Variants in SMAD2 observed in about 807,000 individuals in gnomAD.
SMAD2 encodes the protein MAD homolog 2.
SMAD2 carries 8 observed loss-of-function variants against 64.4 expected under a neutral mutation model. The observed-to-expected ratio is 0.12, with a 90% CI of 0.07 to 0.22. The LOEUF (loss-of-function observed/expected upper bound fraction) is 0.22. SMAD2 is among the 10% of genes least tolerant of loss of function. The pLI is 1.00. For missense variants in SMAD2, 289 were observed against 561.2 expected (o/e 0.51, Z 4.90); for synonymous variants, 203 against 195.8 (o/e 1.04, Z -0.31).
intron 1 of SMAD2, among the ~76,000 whole-genome samples, chr18:47,923,126 A>C (rs1284436132): frequency 1.3e-5 from 2 of 151,670 alleles, no homozygotes; most frequent in African/African-American, 2.4e-5. Flanking sequence ...ACAACTCTAT[A>C]ATCAACTTGT....
intron 7 of SMAD2, 112 bp from the exon 8 acceptor site, chr18:47,848,799 G>C: frequency 1.3e-6 from 1 of 760,428 alleles, no homozygotes; most frequent in Non-Finnish European, 2.2e-6. Context: ...GCCTGCACTG[G>C]CAAAAGCTCA....
chr18:47,811,501 A>C lies in SMAD2; in HGVS notation c.*30326T>G, dbSNP rs1031401945. The C allele has an allele frequency of 1.3e-5, 2 of 151,842 alleles. No individual in the cohort carries two copies. The highest frequency in any genetic ancestry group is 4.8e-5 in the African/African-American group (2 of 41,330). 9.4% of individuals were successfully genotyped at this position (151,842 alleles called of 1,614,324 possible). ...AAAAAAAAAAAAAAGAAAAAGAAAT[A>C]AGGTAATTCTGAAATCCACAGCAAT... On this transcript the variant is annotated 3_prime_UTR_variant, in exon 11 of 11. Transcript: ENST00000262160.
Position 47,835,732 on chromosome 18 carries a change from T to C in SMAD2, c.*6095A>G, listed in dbSNP as rs1332804304. 5.3e-6 allele frequency: 1 copy of C among 189,428 alleles called. No individual in the cohort carries two copies. Among genetic ancestry groups the C allele is most frequent in the Non-Finnish European group, 1.1e-5 (1 of 90,178 alleles). 11.7% of individuals were successfully genotyped at this position (189,428 alleles called of 1,614,324 possible). On this transcript the variant is annotated 3_prime_UTR_variant, in exon 11 of 11. Transcript: ENST00000262160. ...CAATTATGAAATGGAAAATATATAA[T>C]ATTTAAGTACTTTTATAATTCTAAA...
chr18:47,901,228 G>A (rs549849381), intron 1 of SMAD2, among the ~76,000 whole-genome samples: 2 of 152,208 alleles, frequency 1.3e-5, no homozygotes, highest in African/African-American at 4.8e-5. Flanking sequence ...TGGTAACTCT[G>A]GTGGATCAAT....
At chr18:47,857,209 C>T (rs767862683) in intron 6 of SMAD2, among the ~76,000 whole-genome samples, 4 of 152,102 alleles carry the variant, frequency 2.6e-5, no homozygotes, top group Non-Finnish European at 5.9e-5. Context: ...CACTGTTTAA[C>T]TTTTATCTGA....
chr18:47,832,340 T>G lies in SMAD2; in HGVS notation c.*9487A>C, dbSNP rs1186079248. On this transcript the variant is annotated 3_prime_UTR_variant, in exon 11 of 11. Transcript: ENST00000262160. ...AGCCCTCAATGTTGTTGTTCAATGT[T>G]GGGAAGTCCCTTTTAGATTATTTAT... 1 of 152,216 alleles carries G rather than the reference T, an allele frequency of 6.6e-6. No homozygotes were observed. Among genetic ancestry groups the G allele is most frequent in the Non-Finnish European group, 1.5e-5 (1 of 68,038 alleles). 9.4% of individuals were successfully genotyped at this position (152,216 alleles called of 1,614,324 possible).
chr18:47,826,912 T>C lies in SMAD2; in HGVS notation c.*14915A>G, dbSNP rs1423505980. ...CTCAAGTGCTCTCATTTAGTTCTCA[T>C]AACCACCCTAAAAACTAACTTCCTC... On this transcript the variant is annotated 3_prime_UTR_variant, in exon 11 of 11. Transcript: ENST00000262160. The C allele has an allele frequency of 6.6e-6, 1 of 152,224 alleles. No individual in the cohort carries two copies. Among genetic ancestry groups the C allele is most frequent in the Non-Finnish European group, 1.5e-5 (1 of 68,042 alleles). The allele number at this position is 152,224 out of a possible 1,614,324, so 9.4% of individuals were successfully genotyped here.
chr18:47,883,734 T>C (rs546203390), intron 2 of SMAD2, among the ~76,000 whole-genome samples: 13 of 152,346 alleles, frequency 8.5e-5, no homozygotes, highest in African/African-American at 3.1e-4. Context: ...TCACCTGTCA[T>C]TTGTATGCTG....
rs1271949081 is a variant in SMAD2 at position 47,868,310 on chromosome 18, A to T, written c.655+13T>A. On this transcript the variant is annotated intron_variant, in intron 5 of 10. Transcript: ENST00000262160. ...TCTATCCAAGTTTTAGGAGATTCAG[A>T]AGGCAAAAATACCTGGAATATAATT... is the stretch of plus-strand genomic sequence containing the variant. The T allele has an allele frequency of 6.8e-6, 11 of 1,611,208 alleles. No homozygotes were observed. Among genetic ancestry groups the T allele is most frequent in the Non-Finnish European group, 9.3e-6 (11 of 1,177,732 alleles).
chr18:47,851,576 A>G (rs554303231), intron 6 of SMAD2, among the ~76,000 whole-genome samples: 11 of 152,226 alleles, frequency 7.2e-5, no homozygotes, highest in Non-Finnish European at 1.3e-4. Flanking sequence ...CTTCCCAAAG[A>G]TATCTAATAT....
At chr18:47,853,866 T>C (rs1486906572) in intron 6 of SMAD2, among the ~76,000 whole-genome samples, 1 of 152,146 alleles carries the variant, frequency 6.6e-6, no homozygotes, top group Non-Finnish European at 1.5e-5. Flanking sequence ...TGCTGTTTCC[T>C]GAAACCAACA....
chr18:47,876,212 G>A (rs1383888650), intron 2 of SMAD2, among the ~76,000 whole-genome samples: 2 of 151,884 alleles, frequency 1.3e-5, no homozygotes, highest in East Asian at 1.9e-4. Context: ...AAATTTATTT[G>A]ACCATCTAAC....
At chr18:47,893,053 C>A (rs1415073798) in intron 2 of SMAD2, among the ~76,000 whole-genome samples, 1 of 152,138 alleles carries the variant, frequency 6.6e-6, no homozygotes, top group Non-Finnish European at 1.5e-5. Context: ...ATATCAATTG[C>A]CATTCTGATT....
chr18:47,870,427 C>A (rs2031862310), intron 3 of SMAD2, 48 bp downstream of exon 3: 1 of 1,368,288 alleles, frequency 7.3e-7, no homozygotes, highest in Non-Finnish European at 1.0e-6. Flanking sequence ...CAAAATATAC[C>A]CCCCTCCCAC....
rs532087441 is a variant in SMAD2 at position 47,845,137 on chromosome 18, G to T, written c.1280+203C>A. On this transcript the variant is annotated intron_variant, in intron 10 of 10. Coordinates refer to ENST00000262160, the MANE Select transcript of SMAD2 (RefSeq NM_005901.6). The stretch of plus-strand genomic sequence containing the variant: ...GAATTACGTTAAAATGCACGCCTGT[G>T]CATGTTTTAATATCTTCCATAATGG... 8 of 650,540 alleles carry T rather than the reference G, an allele frequency of 1.2e-5. No individual in the cohort carries two copies. In the East Asian group the frequency reaches 1.9e-4, roughly 15 times the overall value. 40.3% of individuals were successfully genotyped at this position (650,540 alleles called of 1,614,324 possible). A position where few individuals can be genotyped will look rare whatever the true frequency, so the allele number is the denominator to read the frequency against.
chr18:47,829,553 G>A lies in SMAD2; in HGVS notation c.*12274C>T, dbSNP rs1356403974. ...CTCTCCCTTTTGTAATTTTGATTCT[G>A]AAAAAATATTTAAAGTAATCAATTA... is the stretch of plus-strand genomic sequence containing the variant. On this transcript the variant is annotated 3_prime_UTR_variant, in exon 11 of 11. Transcript: ENST00000262160. 6.6e-6 allele frequency: 1 copy of A among 152,064 alleles called. No individual in the cohort carries two copies. Among genetic ancestry groups the A allele is most frequent in the Non-Finnish European group, 1.5e-5 (1 of 68,018 alleles). The allele number at this position is 152,064 out of a possible 1,614,324, so 9.4% of individuals were successfully genotyped here.
chr18:47,866,021 T>C (rs527241883), intron 5 of SMAD2, among the ~76,000 whole-genome samples: 1 of 152,136 alleles, frequency 6.6e-6, no homozygotes, highest in South Asian at 2.1e-4. Flanking sequence ...ATTTTAAAAT[T>C]ATCAAAAGAA....
chr18:47,911,083 GGCTCACGCCTGTAAT>G (rs1209271904), intron 1 of SMAD2, among the ~76,000 whole-genome samples: 99 of 152,252 alleles, frequency 6.5e-4, no homozygotes, highest in African/African-American at 2.2e-3. Flanking sequence ...CAGGCGTGGT[GGCTCACGCCTGTAAT>G]CCCAGCACTT....
chr18:47,890,173 T>C (rs2033123866), intron 2 of SMAD2, among the ~76,000 whole-genome samples: 1 of 152,202 alleles, frequency 6.6e-6, no homozygotes, highest in Non-Finnish European at 1.5e-5. Flanking sequence ...GCAAAGTGCC[T>C]TCCAAAGTGT....
Sources: allele counts gnomAD v4.1 joint callset (sites outside exome capture counted in the v4.1 genomes callset), GRCh38; gene constraint gnomAD v4.1.1; transcripts MANE v1.5; gene names NCBI Gene and HGNC (gene_info 2026-07-23, HGNC 2026-07-21).